Variants in PPP1R13B observed in about 807,000 individuals in gnomAD.
PPP1R13B encodes protein phosphatase 1 regulatory subunit 13B.
In PPP1R13B, 44 loss-of-function variants were observed where a neutral mutation model predicts 119.8. That is an observed-to-expected ratio of 0.37 (90% CI 0.29 to 0.47). The LOEUF (loss-of-function observed/expected upper bound fraction) is 0.47. Ranked by LOEUF, PPP1R13B falls within the 20% of genes least tolerant of loss-of-function variation. The pLI, the probability that PPP1R13B is intolerant of heterozygous loss-of-function variation, is 0.99. For missense variants in PPP1R13B, 1,227 were observed against 1,413.5 expected (o/e 0.87, Z 2.12); for synonymous variants, 542 against 561.5 (o/e 0.97, Z 0.49).
chr14:103,778,536 A>C, intron 4 of PPP1R13B: 2 of 520,222 alleles, frequency 3.8e-6, no homozygotes, highest in South Asian at 4.9e-5. Context: ...CTAGGATTAC[A>C]TGTGTGAGCC....
chr14:103,755,193 C>T (rs114537508), intron 5 of PPP1R13B, among the ~76,000 whole-genome samples: 6 of 152,178 alleles, frequency 3.9e-5, no homozygotes, highest in Non-Finnish European at 7.3e-5. Flanking sequence ...CTATCACATC[C>T]GTGATGTTCC....
intron 1 of PPP1R13B, among the ~76,000 whole-genome samples, chr14:103,811,208 A>T (rs1433224058): frequency 1.3e-5 from 2 of 152,110 alleles, no homozygotes; most frequent in African/African-American, 4.8e-5. Context: ...ACTGAATTTT[A>T]AACCACAGAC....
chr14:103,778,593 A>AGAGG, intron 4 of PPP1R13B, 152 bp downstream of exon 4: 1 of 644,278 alleles, frequency 1.6e-6, no homozygotes, highest in South Asian at 1.9e-5. Context: ...TTTTATAGAC[A>AGAGG]GAGGGTCTCA....
chr14:103,834,700 C>T (rs1425102633), intron 1 of PPP1R13B, among the ~76,000 whole-genome samples: 1 of 148,772 alleles, frequency 6.7e-6, no homozygotes, highest in African/African-American at 2.5e-5. Context: ...AAGTGATTCT[C>T]CTCCCTCAGC....
intron 6 of PPP1R13B, among the ~76,000 whole-genome samples, chr14:103,753,546 A>G (rs1375851448): frequency 2.0e-5 from 3 of 152,232 alleles, no homozygotes; most frequent in Non-Finnish European, 4.4e-5. Context: ...CACAGACTGA[A>G]CCAATGAATA....
chr14:103,749,749 T>A (rs765360126), intron 8 of PPP1R13B, 45 bp downstream of exon 8: 2 of 1,589,922 alleles, frequency 1.3e-6, no homozygotes, highest in East Asian at 4.5e-5. Context: ...AATGCTTGGA[T>A]AAACTATCTT....
At chr14:103,753,304 A>G in intron 6 of PPP1R13B, 108 bp from the exon 7 acceptor site, 1 of 1,162,300 alleles carries the variant, frequency 8.6e-7, no homozygotes, top group Non-Finnish European at 1.2e-6. Flanking sequence ...CAGACCGTGG[A>G]GAAAGCTGTG....
chr14:103,799,022 CAG>C (rs2085829945), intron 1 of PPP1R13B, among the ~76,000 whole-genome samples: 1 of 151,220 alleles, frequency 6.6e-6, no homozygotes, highest in Non-Finnish European at 1.5e-5. Flanking sequence ...TTTCTTGAGA[CAG>C]AGTCCCACTC....
chr14:103,778,262 A>AAT (rs2085256410), intron 4 of PPP1R13B, among the ~76,000 whole-genome samples: 1 of 104,014 alleles, frequency 9.6e-6, no homozygotes, highest in African/African-American at 4.2e-5. Flanking sequence ...GCCACATCTG[A>AAT]CTTTTTTTTT....
chr14:103,747,753 C>T (rs2084423794), intron 8 of PPP1R13B, among the ~76,000 whole-genome samples: 1 of 152,150 alleles, frequency 6.6e-6, no homozygotes, highest in South Asian at 2.1e-4. Context: ...TGAGTGAGAA[C>T]ATACAATGTT....
At chr14:103,818,211 G>A (rs750444723) in intron 1 of PPP1R13B, among the ~76,000 whole-genome samples, 3 of 152,182 alleles carry the variant, frequency 2.0e-5, no homozygotes, top group Admixed American at 6.6e-5. Flanking sequence ...AAACTTTAAC[G>A]CCTTCCTTCC....
In PPP1R13B at chr14:103,738,979, C is replaced by T; in HGVS notation, c.2637G>A (p.Gly879=). ...NLKKPNSERT[G]HGLRVRFNPL... ...GGTTAAACCGGACTCTCAGCCCGTGCCCCGTCCGCTCCGAGTTGGGCTTCT... is the reference window on the plus strand; with the variant it reads ...GGTTAAACCGGACTCTCAGCCCGTGTCCCGTCCGCTCCGAGTTGGGCTTCT... Residue 879 remains glycine (G), a synonymous_variant, in exon 13 of 17, where the codon GGG becomes GGA. Transcript: ENST00000202556. This position sits in a 1 kb window ranked among gnomAD's most constrained non-coding sequence, Gnocchi z 5.6. 6.2e-7 allele frequency: 1 copy of T among 1,614,080 alleles called. No homozygotes were observed. The highest frequency in any genetic ancestry group is 8.5e-7 in the Non-Finnish European group (1 of 1,179,992).
chr14:103,798,646 C>T (rs181633531), intron 1 of PPP1R13B, among the ~76,000 whole-genome samples: 1 of 152,006 alleles, frequency 6.6e-6, no homozygotes, highest in Admixed American at 6.6e-5. Flanking sequence ...AATAAATGAC[C>T]CTTAAACATA....
intron 3 of PPP1R13B, among the ~76,000 whole-genome samples, chr14:103,783,900 T>C (rs1255075271): frequency 6.6e-6 from 1 of 152,228 alleles, no homozygotes; most frequent in Non-Finnish European, 1.5e-5. Flanking sequence ...GTTTTAGTGT[T>C]ACACTTACAA....
chr14:103,771,346 A>T (rs891467693), intron 4 of PPP1R13B, among the ~76,000 whole-genome samples: 2 of 152,202 alleles, frequency 1.3e-5, no homozygotes, highest in Non-Finnish European at 2.9e-5. Context: ...GCAATCAAGG[A>T]GCCAGGACTC....
chr14:103,836,563 G>C (rs1306052441), intron 1 of PPP1R13B, among the ~76,000 whole-genome samples: 5 of 151,806 alleles, frequency 3.3e-5, no homozygotes, highest in African/African-American at 1.2e-4. Flanking sequence ...GAGGTCAGGA[G>C]TTTGAGACCA....
chr14:103,841,319 G>A (rs1425411052), intron 1 of PPP1R13B, among the ~76,000 whole-genome samples: 3 of 152,030 alleles, frequency 2.0e-5, no homozygotes, highest in Non-Finnish European at 2.9e-5. Context: ...TGGGCGCGGT[G>A]GCTCAAGCCT....
upstream of PPP1R13B, chr14:103,848,561 C>T: frequency 1.1e-6 from 1 of 923,458 alleles, no homozygotes; most frequent in Non-Finnish European, 1.3e-6. Context: ...CGAACTCCCA[C>T]GGGCATCAGA....
intron 1 of PPP1R13B, among the ~76,000 whole-genome samples, chr14:103,817,536 T>C (rs1156607660): frequency 6.6e-6 from 1 of 152,206 alleles, no homozygotes; most frequent in Non-Finnish European, 1.5e-5. Context: ...GAAAACTATT[T>C]GCTTGTTCAA....
Sources: allele counts gnomAD v4.1 joint callset (sites outside exome capture counted in the v4.1 genomes callset), GRCh38; gene constraint gnomAD v4.1.1; non-coding constraint Gnocchi (gnomAD v3.1); transcripts MANE v1.5; gene names NCBI Gene and HGNC (gene_info 2026-07-23, HGNC 2026-07-21).